The following ABCC4 variants were observed in gnomAD, a reference collection of about 807,000 sequenced individuals.
ABCC4 encodes ATP binding cassette subfamily C member 4 (PEL blood group), also known as ATP-binding cassette sub-family C member 4.
Under a neutral mutation model 168.5 loss-of-function variants are expected in ABCC4, and 102 were observed. The ratio of observed to expected loss-of-function variants is 0.61; its 90% confidence interval spans 0.52 to 0.71. The LOEUF is 0.71. ABCC4 is among the 30% of genes least tolerant of loss of function. The pLI, the probability that ABCC4 is intolerant of heterozygous loss-of-function variation, is 0.00. For synonymous variants in ABCC4, 617 were observed against 590.7 expected (o/e 1.04, Z -0.65); for missense variants, 1,402 against 1,605.8 (o/e 0.87, Z 2.17).
Position 95,264,392 on chromosome 13 carries a change from T to TAA in ABCC4, c.75-16641_75-16640dup, listed in dbSNP as rs556647310. The stretch of plus-strand genomic sequence containing the variant: ...ATTATCTCCCCATAAAACACTTACC[T>TAA]AAAAGCATAAAGTATTGCATAATCA... On this transcript the variant is annotated intron_variant, in intron 1 of 30. Coordinates refer to ENST00000645237, the MANE Select transcript of ABCC4 (RefSeq NM_005845.5). Among the ~76,000 whole-genome samples, 51 of 152,300 alleles carry TAA rather than the reference T, an allele frequency of 3.3e-4. No individual in the cohort carries two copies. In the East Asian group the frequency reaches 9.4e-3, roughly 28 times the overall value.
chr13:95,108,636 A>C (rs1411109510), intron 20 of ABCC4, among the ~76,000 whole-genome samples: 1 of 126,558 alleles, frequency 7.9e-6, no homozygotes, highest in East Asian at 2.1e-4. Context: ...CGTTAAATCT[A>C]TTTTCTTTTT....
rs900434390 is a variant in ABCC4 at position 95,104,213 on chromosome 13, T to A, written c.2535+11709A>T. Among the ~76,000 whole-genome samples the A allele has an allele frequency of 2.0e-5, 3 of 152,090 alleles. No individual in the cohort carries two copies. In the East Asian group the frequency reaches 5.8e-4, roughly 29 times the overall value. ...GACTCACTGCAACCTCCACCTCCCA[T>A]GTTCAAGCAATTCTTTCAGCCTCCC... On this transcript the variant is annotated intron_variant, in intron 20 of 30. Coordinates refer to ENST00000645237, the MANE Select transcript of ABCC4 (RefSeq NM_005845.5).
At chr13:95,197,965 A>G (rs1458863519) in intron 8 of ABCC4, among the ~76,000 whole-genome samples, 1 of 152,248 alleles carries the variant, frequency 6.6e-6, no homozygotes, top group East Asian at 1.9e-4. Flanking sequence ...AAGAAAGACA[A>G]TAGATTAAAG....
chr13:95,189,306 T>G (rs973037808), intron 9 of ABCC4, among the ~76,000 whole-genome samples: 2 of 151,402 alleles, frequency 1.3e-5, no homozygotes, highest in African/African-American at 4.9e-5. Context: ...GCTAATTTTT[T>G]GTATTTTTAG....
At chr13:95,138,676 A>G (rs2036215477) in intron 19 of ABCC4, among the ~76,000 whole-genome samples, 1 of 152,190 alleles carries the variant, frequency 6.6e-6, no homozygotes, top group Non-Finnish European at 1.5e-5. Context: ...AAAGTTTAAA[A>G]ATCCAAATGA....
chr13:95,073,638 G>A (rs951211621), intron 23 of ABCC4: 7 of 197,726 alleles, frequency 3.5e-5, no homozygotes, highest in Non-Finnish European at 6.2e-5. Flanking sequence ...CTTTCTACGT[G>A]CAATGCAACC....
rs545187534 is a variant in ABCC4, at chr13:95,251,909, A to G, written c.75-4156T>C. On this transcript the variant is annotated intron_variant, in intron 1 of 30. Coordinates refer to ENST00000645237, the MANE Select transcript of ABCC4 (RefSeq NM_005845.5). The stretch of plus-strand genomic sequence containing the variant: ...ATGGGAAATTCCAGAAATAATTCCT[A>G]TGGCTTAAATTGCATACTATTCTGA... 4.2e-4 allele frequency among the ~76,000 whole-genome samples: 64 copies of G among 152,300 alleles called. 1 individual carries two copies. Among genetic ancestry groups the G allele is most frequent in the African/African-American group, 1.5e-3 (63 of 41,568 alleles).
intron 27 of ABCC4, among the ~76,000 whole-genome samples, chr13:95,049,958 TGTTTTTTGTCTGCTTTAAAGGGG>T (rs2032760596): frequency 6.6e-6 from 1 of 152,204 alleles, no homozygotes; most frequent in Non-Finnish European, 1.5e-5. Flanking sequence ...CAAGTGACTA[TGTTTTTTGTCTGCTTTAAAGGGG>T]GTTTCCAAAT....
chr13:95,205,846 TG>T (rs1459591443), intron 8 of ABCC4, among the ~76,000 whole-genome samples: 35 of 152,170 alleles, frequency 2.3e-4, no homozygotes, highest in African/African-American at 8.2e-4. Flanking sequence ...TCCTCCACGA[TG>T]GGAGGACACA....
intron 1 of ABCC4, among the ~76,000 whole-genome samples, chr13:95,279,837 C>T (rs1392249374): frequency 1.3e-5 from 2 of 152,120 alleles, no homozygotes; most frequent in African/African-American, 2.4e-5. Flanking sequence ...CTCCTGGAGC[C>T]ACAGGGCCCC....
intron 13 of ABCC4, among the ~76,000 whole-genome samples, chr13:95,175,402 T>C (rs927808285): frequency 6.6e-6 from 1 of 152,102 alleles, no homozygotes; most frequent in Non-Finnish European, 1.5e-5. Flanking sequence ...AACCTCCACC[T>C]CCTGGGTTCA....
intron 1 of ABCC4, among the ~76,000 whole-genome samples, chr13:95,276,416 A>G (rs2138899383): frequency 5.2e-5 from 1 of 19,362 alleles, no homozygotes; most frequent in East Asian, 2.4e-3. Context: ...CCCATCTCCA[A>G]AAAAAAAAAA....
Position 95,247,058 on chromosome 13 carries a change from C to A in ABCC4, c.223G>T (p.Ala75Ser), listed in dbSNP as rs942624721. 1.2e-6 allele frequency: 2 copies of A among 1,613,282 alleles called. No homozygotes were observed. Among genetic ancestry groups the A allele is most frequent in the East Asian group, 2.2e-5 (1 of 44,892 alleles). Residue 75 changes from alanine to serine, a missense_variant, in exon 3 of 31, where the codon GCA becomes TCA. This residue lies in a region of ABCC4 where 317 missense variants were observed against 345.5 expected (regional missense o/e 0.92). Transcript: ENST00000645237. The part of the protein sequence containing the change: ...DKEVLRAEND[A>S]QKPSLTRAII... ...GCTCTTGTTAAAGAAGGCTTCTGTG[C>A]GTCATTCTCAGCTCTTAAAACTTCT...
chr13:95,087,176 A>T (rs923137851), intron 20 of ABCC4, among the ~76,000 whole-genome samples: 3 of 152,126 alleles, frequency 2.0e-5, no homozygotes, highest in African/African-American at 7.2e-5. Context: ...AAATTCTTCT[A>T]CTTATTTATT....
At chr13:95,167,936 G>A (rs891732173) in intron 14 of ABCC4, among the ~76,000 whole-genome samples, 3 of 152,036 alleles carry the variant, frequency 2.0e-5, no homozygotes, top group Admixed American at 6.6e-5. Context: ...GCGCGATCTC[G>A]GCTCACTGCA....
intron 30 of ABCC4, among the ~76,000 whole-genome samples, chr13:95,029,202 A>C (rs7334637): frequency 1.5e-3 from 100 of 68,292 alleles, no homozygotes; most frequent in Admixed American, 1.7e-3. Flanking sequence ...ATATATATAT[A>C]TATATATATA....
Position 95,191,646 on chromosome 13 carries a change from T to C in ABCC4, c.1264-3104A>G, listed in dbSNP as rs535650564. Among the ~76,000 whole-genome samples the C allele has an allele frequency of 3.3e-5, 5 of 152,348 alleles. No individual in the cohort carries two copies. In the South Asian group the frequency reaches 1.0e-3, roughly 32 times the overall value. ...CCTCTAAAATGTAACGGGTCTACTC[T>C]GTATTCCTGATTAAGTAACATCTGT... On this transcript the variant is annotated intron_variant, in intron 9 of 30. Coordinates refer to ENST00000645237, the MANE Select transcript of ABCC4 (RefSeq NM_005845.5).
Position 95,115,955 on chromosome 13 carries a change from A to T in ABCC4, c.2502T>A (p.Asp834Glu), listed in dbSNP as rs1238710540. 3.1e-6 allele frequency: 5 copies of T among 1,613,586 alleles called. No homozygotes were observed. The highest frequency in any genetic ancestry group is 4.2e-6 in the Non-Finnish European group (5 of 1,179,896). ...RFSKDIGHLD[D>E]LLPLTFLDFI... ...AATCTAAAAACGTCAGCGGCAGCAA[A>T]TCATCCAAGTGTCCAATGTCTTTGG... Residue 834 changes from aspartate (D) to glutamate (E), a missense_variant, in exon 20 of 31, where the codon GAT becomes GAA. By Grantham distance (45) the Asp-to-Glu change is conservative (BLOSUM62 2). Transcript: ENST00000645237.
intron 9 of ABCC4, among the ~76,000 whole-genome samples, chr13:95,189,768 T>A (rs564161230): frequency 2.6e-5 from 4 of 152,178 alleles, no homozygotes; most frequent in African/African-American, 7.2e-5. Context: ...TGTATGTTCA[T>A]AGGTCAAAGT....
Sources: gnomAD v4.1 joint callset for allele counts (sites outside exome capture counted in the v4.1 genomes callset) on GRCh38, gnomAD v4.1.1 for gene constraint, gnomAD v4.1.1 regional missense constraint, MANE v1.5 for transcripts, NCBI Gene and HGNC (gene_info 2026-07-23, HGNC 2026-07-21) for gene names.